Variants in MSRA observed in about 807,000 individuals in gnomAD.
MSRA encodes mitochondrial peptide methionine sulfoxide reductase.
A neutral mutation model predicts 31.3 loss-of-function variants in MSRA; 54 were observed. The observed-to-expected ratio is 1.73, with a 90% CI of 1.39 to 2.17. MSRA has a LOEUF of 2.17. Ranked by LOEUF, MSRA falls within the 30% of genes most tolerant of loss-of-function variation. MSRA has a pLI of 0.00. For missense variants in MSRA, 507 were observed against 300.9 expected (o/e 1.69, Z -5.07); for synonymous variants, 169 against 116.5 (o/e 1.45, Z -2.90).
At chr8:10,350,447 C>T (rs145240842) in intron 5 of MSRA, among the ~76,000 whole-genome samples, 31 of 152,322 alleles carry the variant, frequency 2.0e-4, no homozygotes, top group African/African-American at 7.2e-4. Flanking sequence ...GCATTTAGAT[C>T]TGACACTGTG....
At chr8:10,287,593 C>G (rs1404814343) in intron 3 of MSRA, among the ~76,000 whole-genome samples, 1 of 152,162 alleles carries the variant, frequency 6.6e-6, no homozygotes, top group Non-Finnish European at 1.5e-5. Flanking sequence ...CTTTGAGACA[C>G]ACACCGTTCT....
At chr8:10,342,297 C>T (rs1803478032) in intron 5 of MSRA, among the ~76,000 whole-genome samples, 1 of 152,050 alleles carries the variant, frequency 6.6e-6, no homozygotes, top group Admixed American at 6.6e-5. Context: ...TTGATATTTA[C>T]CAGATTAAAA....
intron 1 of MSRA, among the ~76,000 whole-genome samples, chr8:10,126,464 G>T (rs1801503763): frequency 6.6e-6 from 1 of 152,128 alleles, no homozygotes; most frequent in Admixed American, 6.6e-5. Context: ...GATGGTTTCA[G>T]GATGCGGCTG....
intron 3 of MSRA, among the ~76,000 whole-genome samples, chr8:10,298,867 G>C (rs569870296): frequency 6.6e-6 from 1 of 152,126 alleles, no homozygotes; most frequent in Non-Finnish European, 1.5e-5. Context: ...TTTTGTGCAT[G>C]TATATATCTT....
chr8:10,262,255 G>A (rs2975678), intron 3 of MSRA, among the ~76,000 whole-genome samples: 18,859 of 152,186 alleles, frequency 0.12, 1,625 homozygotes, highest in Admixed American at 0.3. Flanking sequence ...GAATGTGATT[G>A]CTGGATCATG....
chr8:10,118,810 C>A (rs879790561), intron 1 of MSRA, among the ~76,000 whole-genome samples: 1 of 152,210 alleles, frequency 6.6e-6, no homozygotes, highest in Non-Finnish European at 1.5e-5. Context: ...TACCCCAATT[C>A]CCACCCAAGG....
At chr8:10,302,894 C>T (rs138532504) in intron 4 of MSRA, among the ~76,000 whole-genome samples, 57 of 152,226 alleles carry the variant, frequency 3.7e-4, no homozygotes, top group African/African-American at 1.3e-3. Flanking sequence ...AGAAGGTTCA[C>T]GTGTCACCCT....
At chr8:10,141,637 G>A (rs895569554) in intron 1 of MSRA, among the ~76,000 whole-genome samples, 16 of 152,068 alleles carry the variant, frequency 1.1e-4, no homozygotes, top group Non-Finnish European at 1.5e-4. Context: ...TTTTAATGCA[G>A]TCAATGCTGT....
intron 5 of MSRA, among the ~76,000 whole-genome samples, chr8:10,330,037 TG>T (rs1802603063): frequency 1.3e-5 from 2 of 150,650 alleles, no homozygotes; most frequent in South Asian, 4.2e-4. Context: ...TGTGTGTGTG[TG>T]TGTGTGATCA....
chr8:10,207,906 G>T lies in MSRA; in HGVS notation c.211+5G>T. ...GAACACAGATGGCTGTATTTGGTAA[G>T]ATATCAATTCTGAAAGAAAACCCAA... On this transcript the variant is annotated splice_donor_5th_base_variant and intron_variant, in intron 2 of 5. Coordinates refer to ENST00000317173, the MANE Select transcript of MSRA (RefSeq NM_012331.5). 6.2e-7 allele frequency: 1 copy of T among 1,608,678 alleles called. No individual in the cohort carries two copies. The highest frequency in any genetic ancestry group is 1.3e-5 in the African/African-American group (1 of 74,746).
At chr8:10,393,309 A>G (rs1428428968) in intron 5 of MSRA, among the ~76,000 whole-genome samples, 1 of 152,190 alleles carries the variant, frequency 6.6e-6, no homozygotes, top group African/African-American at 2.4e-5. Flanking sequence ...TTACTGCATT[A>G]TTCTTCCATC....
chr8:10,077,301 C>G (rs1798040822), intron 1 of MSRA, among the ~76,000 whole-genome samples: 1 of 152,004 alleles, frequency 6.6e-6, no homozygotes, highest in African/African-American at 2.4e-5. Flanking sequence ...GCTTCTCTTT[C>G]AACAGCTTGG....
intron 4 of MSRA, among the ~76,000 whole-genome samples, chr8:10,305,518 A>G (rs980610779): frequency 6.8e-6 from 1 of 146,710 alleles, no homozygotes; most frequent in Non-Finnish European, 1.5e-5. Flanking sequence ...GGTTCAAGTG[A>G]TTCTCCTGCC....
chr8:10,223,529 A>G (rs937498275), intron 2 of MSRA, among the ~76,000 whole-genome samples: 3 of 152,208 alleles, frequency 2.0e-5, no homozygotes, highest in African/African-American at 7.2e-5. Context: ...GTGAATTTGA[A>G]GACAGGTCAG....
chr8:10,347,725 C>T (rs1271077042), intron 5 of MSRA, among the ~76,000 whole-genome samples: 3 of 152,174 alleles, frequency 2.0e-5, no homozygotes, highest in African/African-American at 4.8e-5. Context: ...AGCTCTCAAC[C>T]GTATGAAATA....
chr8:10,355,116 A>G (rs1455819562), intron 5 of MSRA, among the ~76,000 whole-genome samples: 1 of 152,190 alleles, frequency 6.6e-6, no homozygotes, highest in African/African-American at 2.4e-5. Context: ...TTACTGTGTC[A>G]GGGCCGGGTT....
At chr8:10,187,727 G>C (rs1807174781) in intron 1 of MSRA, among the ~76,000 whole-genome samples, 1 of 152,164 alleles carries the variant, frequency 6.6e-6, no homozygotes, top group Non-Finnish European at 1.5e-5. Flanking sequence ...ATTAATCCTA[G>C]AAGGTCCTTT....
At chr8:10,145,290 T>C (rs1428120288) in intron 1 of MSRA, among the ~76,000 whole-genome samples, 3 of 152,168 alleles carry the variant, frequency 2.0e-5, no homozygotes, top group Admixed American at 6.6e-5. Context: ...ATACGAAGAA[T>C]AGCTTTGCAT....
At chr8:10,417,754 T>TTGTGTGTGTGTGTGAGTGTGTGTG (rs1554557601) in intron 5 of MSRA, among the ~76,000 whole-genome samples, 1 of 129,842 alleles carries the variant, frequency 7.7e-6, no homozygotes, top group Non-Finnish European at 1.7e-5. Flanking sequence ...AACCTGCATG[T>TTGTGTGTGTGTGTGAGTGTGTGTG]TGTGTGTGTG....
Sources: allele counts gnomAD v4.1 joint callset (sites outside exome capture counted in the v4.1 genomes callset), GRCh38; gene constraint gnomAD v4.1.1; transcripts MANE v1.5; gene names NCBI Gene and HGNC (gene_info 2026-07-23, HGNC 2026-07-21).